The following RASGRP3 variants were observed in gnomAD, a reference collection of about 807,000 sequenced individuals.
RASGRP3 encodes ras guanyl-releasing protein 3.
RASGRP3 carries 54 observed loss-of-function variants against 82.7 expected under a neutral mutation model. That is an observed-to-expected ratio of 0.65 (90% CI 0.52 to 0.82). The LOEUF is 0.82. Ranked by LOEUF, RASGRP3 falls within the 40% of genes least tolerant of loss-of-function variation. The probability of loss-of-function intolerance (pLI) is 0.00; values close to 1 mark genes in which losing one functional copy is unlikely to be tolerated. For missense variants in RASGRP3, 861 were observed against 828.9 expected, an observed-to-expected ratio of 1.04 and a Z score of -0.48; for synonymous variants, 309 against 300.5, an observed-to-expected ratio of 1.03 and a Z score of -0.29.
intron 10 of RASGRP3, among the ~76,000 whole-genome samples, chr2:33,529,725 T>G (rs973789766): frequency 1.3e-5 from 2 of 152,140 alleles, no homozygotes; most frequent in African/African-American, 4.8e-5. Flanking sequence ...TTGCTTGGTT[T>G]TGTCTCCTTG....
At chr2:33,487,713 C>T (rs1189269714) in intron 1 of RASGRP3, among the ~76,000 whole-genome samples, 3 of 152,120 alleles carry the variant, frequency 2.0e-5, no homozygotes, top group Non-Finnish European at 2.9e-5. Context: ...AGTTTGAAGC[C>T]AGTTTGGGCA....
intron 2 of RASGRP3, among the ~76,000 whole-genome samples, chr2:33,452,911 C>T (rs565542937): frequency 6.6e-6 from 1 of 152,264 alleles, no homozygotes; most frequent in South Asian, 2.1e-4. Context: ...AGGTGCTAGC[C>T]TAGAGCCTGG....
intron 17 of RASGRP3, among the ~76,000 whole-genome samples, chr2:33,562,143 T>A (rs1170947863): frequency 6.6e-6 from 1 of 152,170 alleles, no homozygotes. Flanking sequence ...GGAAACCTTT[T>A]AACAAGGACC....
intron 1 of RASGRP3, among the ~76,000 whole-genome samples, chr2:33,506,650 A>G (rs1670405194): frequency 6.6e-6 from 1 of 152,228 alleles, no homozygotes; most frequent in African/African-American, 2.4e-5. Flanking sequence ...AAAATTTTTA[A>G]ATCTAGGAAA....
In RASGRP3 at chr2:33,542,132, A is replaced by G. The variant is rs1190360338; in HGVS notation, c.1279-1380A>G. Among the ~76,000 whole-genome samples the G allele has an allele frequency of 3.4e-5, 5 of 147,232 alleles. 1 individual carries two copies. The highest frequency in any genetic ancestry group is 6.1e-5 in the Non-Finnish European group (4 of 65,818). ...AAAAAGAAAAATAAATAAATAATAT[A>G]TAATACATCTAGAATTTAGTTTGGA... is the stretch of plus-strand genomic sequence containing the variant. On this transcript the variant is annotated intron_variant, in intron 12 of 17. Coordinates refer to ENST00000403687, the MANE Select transcript of RASGRP3 (RefSeq NM_001139488.2).
intron 2 of RASGRP3, among the ~76,000 whole-genome samples, chr2:33,457,572 C>CT (rs916390398): frequency 2.9e-4 from 43 of 150,852 alleles, no homozygotes; most frequent in African/African-American, 8.3e-4. Flanking sequence ...TCCTTCCTTC[C>CT]TTTTTTTTTG....
chr2:33,446,668 C>T (rs2150878806), intron 1 of RASGRP3, among the ~76,000 whole-genome samples: 1 of 152,102 alleles, frequency 6.6e-6, no homozygotes, highest in South Asian at 2.1e-4. Context: ...GAGACTGAGC[C>T]TCAAGAAATG....
intron 1 of RASGRP3, among the ~76,000 whole-genome samples, chr2:33,487,309 G>T (rs940252976): frequency 6.6e-6 from 1 of 152,174 alleles, no homozygotes; most frequent in East Asian, 1.9e-4. Flanking sequence ...AAGGACGACA[G>T]ATCAGAGAAA....
intron 4 of RASGRP3, 39 bp downstream of exon 4, chr2:33,516,683 A>G: frequency 7.4e-7 from 1 of 1,345,832 alleles, no homozygotes; most frequent in South Asian, 1.3e-5. Flanking sequence ...ACAATCATAA[A>G]TCAAGCTCTG....
chr2:33,475,346 ATC>A (rs1045387439), upstream of RASGRP3, among the ~76,000 whole-genome samples: 39 of 152,336 alleles, frequency 2.6e-4, no homozygotes, highest in African/African-American at 9.4e-4. Context: ...AAAACACTGT[ATC>A]CTCTATATGG....
intron 1 of RASGRP3, among the ~76,000 whole-genome samples, chr2:33,492,513 A>C (rs1038926715): frequency 7.2e-5 from 11 of 152,176 alleles, no homozygotes; most frequent in Non-Finnish European, 1.6e-4. Context: ...ACTGTGTTTG[A>C]AGATAGAGCC....
intron 2 of RASGRP3, among the ~76,000 whole-genome samples, chr2:33,467,868 T>C (rs1666792990): frequency 6.6e-6 from 1 of 152,232 alleles, no homozygotes. Context: ...ACTTCCGCCC[T>C]CTTCCTGTAT....
intron 11 of RASGRP3, among the ~76,000 whole-genome samples, chr2:33,534,806 G>A (rs1270114069): frequency 2.0e-5 from 3 of 151,404 alleles, no homozygotes; most frequent in African/African-American, 7.3e-5. Context: ...GCCATTACAG[G>A]CTTGGATTAC....
chr2:33,439,174 G>A (rs1371949327), intron 1 of RASGRP3, among the ~76,000 whole-genome samples: 1 of 152,128 alleles, frequency 6.6e-6, no homozygotes, highest in East Asian at 1.9e-4. Flanking sequence ...TATTTATTAA[G>A]TTTTCTAACT....
At chr2:33,561,525 C>T (rs1676655000) in intron 17 of RASGRP3, among the ~76,000 whole-genome samples, 1 of 151,834 alleles carries the variant, frequency 6.6e-6, no homozygotes, top group South Asian at 2.1e-4. Flanking sequence ...GATGTTTGCT[C>T]TGTTTAGGGA....
chr2:33,545,502 A>G (rs1674646189), intron 13 of RASGRP3, among the ~76,000 whole-genome samples: 1 of 152,210 alleles, frequency 6.6e-6, no homozygotes, highest in Non-Finnish European at 1.5e-5. Context: ...AGGAGGGGAG[A>G]TGAGCTAATG....
chr2:33,453,444 G>T (rs1427903245), intron 2 of RASGRP3, among the ~76,000 whole-genome samples: 3 of 152,180 alleles, frequency 2.0e-5, no homozygotes, highest in Non-Finnish European at 4.4e-5. Context: ...TGCTTTTGAG[G>T]TGGCTCACTT....
intron 5 of RASGRP3, among the ~76,000 whole-genome samples, chr2:33,520,329 A>G (rs1671902621): frequency 6.6e-6 from 1 of 152,124 alleles, no homozygotes; most frequent in Non-Finnish European, 1.5e-5. Flanking sequence ...TTTCCTCTCA[A>G]CTGAAAGAGA....
rs181216043 is a variant in RASGRP3, at chr2:33,505,755, G to A, written c.-260-5955G>A. Among the ~76,000 whole-genome samples the A allele has an allele frequency of 4.1e-4, 63 of 152,340 alleles. 1 individual carries two copies. Among genetic ancestry groups the A allele is most frequent in the African/African-American group, 1.5e-3 (63 of 41,572 alleles). ...CATTATTTGGAAAGTGAACACTCGAGTTGCCATAGTAGGTCATAATCCTTC... is the reference window on the plus strand; with the variant it reads ...CATTATTTGGAAAGTGAACACTCGAATTGCCATAGTAGGTCATAATCCTTC... On this transcript the variant is annotated intron_variant, in intron 1 of 17. Coordinates refer to ENST00000403687, the MANE Select transcript of RASGRP3 (RefSeq NM_001139488.2).
Sources: gnomAD v4.1 joint callset for allele counts (sites outside exome capture counted in the v4.1 genomes callset) on GRCh38, gnomAD v4.1.1 for gene constraint, MANE v1.5 for transcripts, NCBI Gene and HGNC (gene_info 2026-07-23, HGNC 2026-07-21) for gene names.